Variants in NUTM2E observed in about 807,000 individuals in gnomAD.
NUTM2E encodes the protein NUT family member 2E, also known as family with sequence similarity 22, member E.
NUTM2E carries 3 observed loss-of-function variants against 26.1 expected under a neutral mutation model. The observed-to-expected ratio is 0.12, with a 90% CI of 0.05 to 0.30. NUTM2E has a LOEUF of 0.30. Ranked by LOEUF, NUTM2E falls within the 10% of genes least tolerant of loss-of-function variation. The probability of loss-of-function intolerance (pLI) is 1.00; values close to 1 mark genes in which losing one functional copy is unlikely to be tolerated. For synonymous variants in NUTM2E, 13 were observed against 157.5 expected (o/e 0.08, Z 6.87); for missense variants, 62 against 381.3 (o/e 0.16, Z 6.97).
rs1432011600 is a variant in NUTM2E at position 79,834,867 on chromosome 10, TTC to T, written c.-2727-3440_-2727-3439del. Among the ~76,000 whole-genome samples, 62 of 151,300 alleles carry T rather than the reference TTC, an allele frequency of 4.1e-4. 2 individuals carry two copies. Among genetic ancestry groups the T allele is most frequent in the Non-Finnish European group, 7.2e-4 (49 of 67,830 alleles). On this transcript the variant is annotated intron_variant, in intron 1 of 9. Transcript: ENST00000429984. Reference sequence around the variant, plus strand: ...ACAAACACACAAACTAAAGAACTTTTTCTGTTATATATCAAATCATACTTTTG... The same window carrying T: ...ACAAACACACAAACTAAAGAACTTTTTGTTATATATCAAATCATACTTTTG...
intron 1 of NUTM2E, among the ~76,000 whole-genome samples, chr10:79,837,448 A>G (rs773398198): frequency 1.2e-4 from 19 of 152,160 alleles, no homozygotes; most frequent in Non-Finnish European, 2.2e-4. Context: ...GCTTTGGGGA[A>G]ATTAGTTTTG....
At chr10:79,827,402 A>T (rs1841891496) in intron 1 of NUTM2E, 45 bp downstream of exon 1, 1 of 151,862 alleles carries the variant, frequency 6.6e-6, no homozygotes, top group South Asian at 2.1e-4. Flanking sequence ...ATTTGATCTT[A>T]TGACAGCATT....
At chr10:79,831,856 AT>A (rs1267144784) in intron 1 of NUTM2E, among the ~76,000 whole-genome samples, 8 of 151,138 alleles carry the variant, frequency 5.3e-5, no homozygotes, top group Non-Finnish European at 1.2e-4. Flanking sequence ...GTTAAAACAA[AT>A]TACCGTAGAC....
intron 1 of NUTM2E, among the ~76,000 whole-genome samples, chr10:79,830,035 A>G (rs1036290760): frequency 6.6e-6 from 1 of 151,760 alleles, no homozygotes; most frequent in African/African-American, 2.4e-5. Context: ...TTTTAAAATA[A>G]TAATGATATA....
Position 79,849,482 on chromosome 10 carries a change from G to T in NUTM2E, c.1846G>T (p.Ala616Ser). ...GGAGCAGGAGGAAGGACTCACCCTT[G>T]CCCAGGTACCCCAGGGGCAGGAGGG... is the stretch of plus-strand genomic sequence containing the variant. Reference protein sequence around the residue: ...DLEQEEGLTLAQLVEKRLPPL... With the variant: ...DLEQEEGLTLSQLVEKRLPPL... Residue 616 changes from alanine (A) to serine (S), a missense_variant, in exon 9 of 10, where the codon GCC becomes TCC. Physicochemically the swap from Ala to Ser is moderately conservative, Grantham distance 99. Coordinates refer to ENST00000429984, the MANE Select transcript of NUTM2E (RefSeq NM_001355263.2). The T allele has an allele frequency of 5.8e-6, 3 of 521,592 alleles. No homozygotes were observed. Among genetic ancestry groups the T allele is most frequent in the Non-Finnish European group, 9.0e-6 (3 of 334,222 alleles). 32.3% of individuals were successfully genotyped at this position (521,592 alleles called of 1,614,324 possible). A position where few individuals can be genotyped will look rare whatever the true frequency, so the allele number is the denominator to read the frequency against.
chr10:79,831,321 A>G (rs1020838951), intron 1 of NUTM2E, among the ~76,000 whole-genome samples: 10 of 151,452 alleles, frequency 6.6e-5, no homozygotes, highest in African/African-American at 2.4e-4. Flanking sequence ...ACAGTTAAAC[A>G]TTATATACTT....
At position 79,838,597 on chromosome 10, in the gene NUTM2E, G is replaced by T. The variant is rs1436077226; in HGVS notation, c.-2450+11G>T. 2.7e-5 allele frequency among the ~76,000 whole-genome samples: 4 copies of T among 148,934 alleles called. No individual in the cohort carries two copies. The highest frequency in any genetic ancestry group is 4.4e-4 in the South Asian group (2 of 4,530). On this transcript the variant is annotated intron_variant, in intron 2 of 9. Coordinates refer to ENST00000429984, the MANE Select transcript of NUTM2E (RefSeq NM_001355263.2). ...TCACTTCAGGGCCAGGTGAGCAAGG[G>T]AAAGGAGCGCGGCCTGGGCATCCCG... is the stretch of plus-strand genomic sequence containing the variant.
At chr10:79,845,487 A>G (rs1270386116) in intron 5 of NUTM2E, among the ~76,000 whole-genome samples, 5 of 109,452 alleles carry the variant, frequency 4.6e-5, no homozygotes, top group African/African-American at 1.4e-4. Context: ...TTGAGCTCAC[A>G]TATGACATGC....
At position 79,838,487 on chromosome 10, in the gene NUTM2E, C is replaced by CTTCAAGCTT. The variant is rs1294439694; in HGVS notation, c.-2546_-2538dup. ...TCACGGTTTCAACTGCTGAGGTTTT[C>CTTCAAGCTT]TTCAAGCTTTTGCATTGTTTGGAAT... On this transcript the variant is annotated 5_prime_UTR_variant, in exon 2 of 10. Coordinates refer to ENST00000429984, the MANE Select transcript of NUTM2E (RefSeq NM_001355263.2). 1.3e-5 allele frequency among the ~76,000 whole-genome samples: 2 copies of CTTCAAGCTT among 149,488 alleles called. No homozygotes were observed. The highest frequency in any genetic ancestry group is 3.0e-5 in the Non-Finnish European group (2 of 67,196).
intron 6 of NUTM2E, 125 bp from the exon 7 acceptor site, chr10:79,847,806 C>A (rs1330443497): frequency 2.5e-6 from 1 of 399,232 alleles, no homozygotes; most frequent in East Asian, 3.5e-5. Flanking sequence ...GGGGATGGGA[C>A]ACAGTGAGGG....
Position 79,839,970 on chromosome 10 carries a change from G to A in NUTM2E, c.-1771G>A, listed in dbSNP as rs1478324299. Among the ~76,000 whole-genome samples the A allele has an allele frequency of 1.3e-5, 2 of 148,650 alleles. No homozygotes were observed. Among genetic ancestry groups the A allele is most frequent in the East Asian group, 2.0e-4 (1 of 5,128 alleles). On this transcript the variant is annotated 5_prime_UTR_variant, in exon 4 of 10. Transcript: ENST00000429984. ...TAGGACTTCAAACATGTACAGAAGC[G>A]ATTGCAGAATTAAGACAAGACACTT...
chr10:79,834,654 C>T (rs1841949387), intron 1 of NUTM2E, among the ~76,000 whole-genome samples: 2 of 145,594 alleles, frequency 1.4e-5, no homozygotes, highest in Non-Finnish European at 3.0e-5. Flanking sequence ...GGCAACAGAG[C>T]GATGCTCCAT....
chr10:79,833,066 A>G lies in NUTM2E; in HGVS notation c.-2727-5243A>G, dbSNP rs964027066. Reference sequence around the variant, plus strand: ...AGAAAACCAAATAAGATTGTCACCTATATTGCATAAATAACCAGAGAAAAG... The same window carrying G: ...AGAAAACCAAATAAGATTGTCACCTGTATTGCATAAATAACCAGAGAAAAG... On this transcript the variant is annotated intron_variant, in intron 1 of 9. Transcript: ENST00000429984. 2.0e-5 allele frequency among the ~76,000 whole-genome samples: 3 copies of G among 151,882 alleles called. 1 individual carries two copies. Among genetic ancestry groups the G allele is most frequent in the Non-Finnish European group, 1.5e-5 (1 of 67,944 alleles).
intron 1 of NUTM2E, among the ~76,000 whole-genome samples, chr10:79,837,804 G>A (rs1841973326): frequency 6.6e-6 from 1 of 151,952 alleles, no homozygotes; most frequent in South Asian, 2.1e-4. Context: ...AGGGCCTGCT[G>A]TGTGCCAGAT....
At position 79,840,717 on chromosome 10, in the gene NUTM2E, G is replaced by T. The variant is rs888091684; in HGVS notation, c.-1024G>T. Among the ~76,000 whole-genome samples the T allele has an allele frequency of 6.6e-6, 1 of 150,896 alleles. No homozygotes were observed. The highest frequency in any genetic ancestry group is 1.5e-5 in the Non-Finnish European group (1 of 67,766). On this transcript the variant is annotated 5_prime_UTR_variant, in exon 4 of 10. Transcript: ENST00000429984. ...CTTCGAAAGGGCAAATGCTTCGTAA[G>T]TGCCGACAGGGTGTGTTTCAGTGAA...
intron 1 of NUTM2E, chr10:79,827,697 C>A (rs867731348): frequency 4.0e-5 from 6 of 150,328 alleles, no homozygotes; most frequent in Middle Eastern, 3.5e-3. Flanking sequence ...CTAACAAATT[C>A]ATGAAAAAGT....
rs1589307002 is a variant in NUTM2E, at chr10:79,834,275, C to T, written c.-2727-4034C>T. Among the ~76,000 whole-genome samples the T allele has an allele frequency of 2.6e-5, 4 of 151,732 alleles. No individual in the cohort carries two copies. The South Asian group carries it at 8.4e-4, about 32-fold the overall frequency. On this transcript the variant is annotated intron_variant, in intron 1 of 9. Transcript: ENST00000429984. ...GTAATGCAGATGACAGGTTGATGGG[C>T]AGCAAACCATCATGGCACATGTATA...
At chr10:79,839,439 T>C (rs1445330973) in intron 3 of NUTM2E, among the ~76,000 whole-genome samples, 189 bp from the exon 4 acceptor site, 1 of 150,720 alleles carries the variant, frequency 6.6e-6, no homozygotes, top group African/African-American at 2.4e-5. Context: ...GTTGTAACCT[T>C]GATCAATTTC....
intron 1 of NUTM2E, among the ~76,000 whole-genome samples, chr10:79,830,286 T>C (rs1464361370): frequency 6.6e-6 from 1 of 151,750 alleles, no homozygotes; most frequent in Admixed American, 6.6e-5. Flanking sequence ...TCAAAAGACA[T>C]GCATCTGGAT....
Sources: gnomAD v4.1 joint callset for allele counts (sites outside exome capture counted in the v4.1 genomes callset) on GRCh38, gnomAD v4.1.1 for gene constraint, MANE v1.5 for transcripts, NCBI Gene and HGNC (gene_info 2026-07-23, HGNC 2026-07-21) for gene names.